NPFFR2: variants seen among roughly 807,000 people sequenced by gnomAD.
NPFFR2 encodes neuropeptide FF receptor 2.
In NPFFR2, 15 loss-of-function variants were observed where a neutral mutation model predicts 13.1. The observed-to-expected ratio is 1.15, with a 90% CI of 0.77 to 1.76. NPFFR2 has a LOEUF of 1.76. Among genes scored for constraint, NPFFR2 ranks in the 40% most tolerant of loss-of-function variants. The pLI is 0.00. For synonymous variants in NPFFR2, 190 were observed against 175.7 expected (o/e 1.08, Z -0.65); for missense variants, 572 against 503.5 (o/e 1.14, Z -1.30).
At chr4:72,062,210 G>C (rs1027000061) in intron 1 of NPFFR2, among the ~76,000 whole-genome samples, 1 of 151,936 alleles carries the variant, frequency 6.6e-6, no homozygotes, top group Non-Finnish European at 1.5e-5. Context: ...TTTACATAAA[G>C]GACACTCATC....
At chr4:72,129,043 T>G (rs1722157514) in intron 2 of NPFFR2, 124 bp downstream of exon 2, 1 of 704,088 alleles carries the variant, frequency 1.4e-6, no homozygotes, top group East Asian at 2.6e-5. Context: ...CAGGAACTGA[T>G]CCAGGCACCT....
At position 72,037,031 on chromosome 4, in the gene NPFFR2, C is replaced by T. The variant is rs556865083; in HGVS notation, c.-8+4831C>T. Among the ~76,000 whole-genome samples, 11 of 152,164 alleles carry T rather than the reference C, an allele frequency of 7.2e-5. No homozygotes were observed. In the East Asian group the frequency reaches 9.7e-4, roughly 13 times the overall value. On this transcript the variant is annotated intron_variant, in intron 1 of 3. Coordinates refer to ENST00000308744, the MANE Select transcript of NPFFR2 (RefSeq NM_004885.3). ...ACATTTAAAGAGGTGATACTTGCAGCGTTCAGGATTTCTCTCAAATTCCCT... is the reference window on the plus strand; with the variant it reads ...ACATTTAAAGAGGTGATACTTGCAGTGTTCAGGATTTCTCTCAAATTCCCT...
intron 1 of NPFFR2, among the ~76,000 whole-genome samples, chr4:72,039,726 A>G (rs1719154064): frequency 6.6e-6 from 1 of 152,218 alleles, no homozygotes. Flanking sequence ...AAACAAGGCT[A>G]CAATAAAAGT....
intron 2 of NPFFR2, among the ~76,000 whole-genome samples, chr4:72,134,893 C>T (rs1397748947): frequency 2.0e-5 from 3 of 152,018 alleles, no homozygotes; most frequent in Non-Finnish European, 4.4e-5. Flanking sequence ...TTGTGTACAA[C>T]CCCATTTTCT....
intron 1 of NPFFR2, among the ~76,000 whole-genome samples, chr4:72,043,279 C>T (rs1719281635): frequency 7.3e-6 from 1 of 137,636 alleles, no homozygotes; most frequent in South Asian, 2.3e-4. Context: ...GGAGAACCTG[C>T]TAGGGTAGTG....
At chr4:72,137,122 A>G (rs1352568578) in intron 2 of NPFFR2, among the ~76,000 whole-genome samples, 1 of 152,112 alleles carries the variant, frequency 6.6e-6, no homozygotes, top group East Asian at 1.9e-4. Flanking sequence ...GAGTCACTCA[A>G]GCATTTATTA....
intron 1 of NPFFR2, among the ~76,000 whole-genome samples, chr4:72,045,284 T>G (rs1719343104): frequency 6.6e-6 from 1 of 152,170 alleles, no homozygotes; most frequent in East Asian, 1.9e-4. Flanking sequence ...TTATAGTTGT[T>G]TTTGAGAAAT....
intron 1 of NPFFR2, among the ~76,000 whole-genome samples, chr4:72,059,224 G>A (rs1719849564): frequency 2.0e-5 from 3 of 152,072 alleles, no homozygotes; most frequent in Admixed American, 2.0e-4. Flanking sequence ...GTAGGGCAGT[G>A]TAATGACAAG....
At chr4:72,145,899 A>G (rs1722767034) in intron 3 of NPFFR2, among the ~76,000 whole-genome samples, 1 of 152,208 alleles carries the variant, frequency 6.6e-6, no homozygotes, top group African/African-American at 2.4e-5. Context: ...TAATAGTGTG[A>G]TTATCTTTTG....
chr4:72,111,484 C>T (rs1244411853), intron 1 of NPFFR2, among the ~76,000 whole-genome samples: 3 of 152,062 alleles, frequency 2.0e-5, no homozygotes, highest in African/African-American at 7.2e-5. Flanking sequence ...TTGTTGAATG[C>T]TTGATAATCT....
chr4:72,052,764 G>A (rs1578424145), intron 1 of NPFFR2, among the ~76,000 whole-genome samples: 1 of 152,074 alleles, frequency 6.6e-6, no homozygotes, highest in East Asian at 1.9e-4. Flanking sequence ...AGCCTAATAA[G>A]AAACATTTAC....
chr4:72,050,411 G>A (rs1036503243), intron 1 of NPFFR2, among the ~76,000 whole-genome samples: 2 of 151,940 alleles, frequency 1.3e-5, no homozygotes, highest in African/African-American at 4.8e-5. Context: ...GGTTGTACGT[G>A]CTTCATTATA....
At chr4:72,065,992 C>T (rs1720059103) in intron 1 of NPFFR2, among the ~76,000 whole-genome samples, 1 of 152,200 alleles carries the variant, frequency 6.6e-6, no homozygotes, top group South Asian at 2.1e-4. Context: ...TGTTATATCT[C>T]TCCACCTGTC....
rs564401376 is a variant in NPFFR2 at position 72,124,868 on chromosome 4, AC to A, written c.-7-3716del. Among the ~76,000 whole-genome samples the A allele has an allele frequency of 7.1e-3, 1,081 of 152,356 alleles. 14 individuals carry two copies. Among genetic ancestry groups the A allele is most frequent in the African/African-American group, 0.023 (976 of 41,582 alleles). ...ATTCAGGACATAGGCATGGGCAAGG[AC>A]TTCATGACTAAAACACCAAAAACAA... On this transcript the variant is annotated intron_variant, in intron 1 of 3. Coordinates refer to ENST00000308744, the MANE Select transcript of NPFFR2 (RefSeq NM_004885.3).
intron 1 of NPFFR2, among the ~76,000 whole-genome samples, chr4:72,054,080 CCATT>C (rs916338626): frequency 6.6e-5 from 10 of 151,874 alleles, no homozygotes; most frequent in East Asian, 3.9e-4. Context: ...CTATTGATCT[CCATT>C]CAATCTATAG....
At chr4:72,144,239 G>A (rs553402677) in intron 3 of NPFFR2, among the ~76,000 whole-genome samples, 1 of 152,160 alleles carries the variant, frequency 6.6e-6, no homozygotes, top group Non-Finnish European at 1.5e-5. Flanking sequence ...CTCTCCAAAT[G>A]GGCTCTCCAG....
intron 1 of NPFFR2, among the ~76,000 whole-genome samples, chr4:72,091,756 C>T (rs1720924433): frequency 6.6e-6 from 1 of 152,002 alleles, no homozygotes; most frequent in South Asian, 2.1e-4. Flanking sequence ...AATGTTCTAT[C>T]AATTTTATTT....
chr4:72,039,026 T>A (rs1719123446), intron 1 of NPFFR2, among the ~76,000 whole-genome samples: 1 of 124,152 alleles, frequency 8.1e-6, no homozygotes, highest in Non-Finnish European at 1.7e-5. Context: ...TGCGTCAGCC[T>A]CCCGAGTAGC....
chr4:72,094,653 C>T (rs1383441158), intron 1 of NPFFR2, among the ~76,000 whole-genome samples: 1 of 152,128 alleles, frequency 6.6e-6, no homozygotes, highest in Non-Finnish European at 1.5e-5. Context: ...AGCCTGCAGC[C>T]TGAAAGGCTG....
Sources: gnomAD v4.1 joint callset for allele counts (sites outside exome capture counted in the v4.1 genomes callset) on GRCh38, gnomAD v4.1.1 for gene constraint, MANE v1.5 for transcripts, NCBI Gene and HGNC (gene_info 2026-07-23, HGNC 2026-07-21) for gene names.